Variants in ADAMTS2 observed in about 807,000 individuals in gnomAD.
The protein encoded by ADAMTS2 is ADAM metallopeptidase with thrombospondin type 1 motif 2, also known as A disintegrin and metalloproteinase with thrombospondin motifs 2.
In ADAMTS2, 50 loss-of-function variants were observed where a neutral mutation model predicts 123.0. The observed-to-expected ratio is 0.41, with a 90% CI of 0.32 to 0.51. The LOEUF is 0.51. ADAMTS2 is among the 20% of genes least tolerant of loss of function. The probability of loss-of-function intolerance (pLI) is 0.35; values close to 1 mark genes in which losing one functional copy is unlikely to be tolerated. For synonymous variants in ADAMTS2, 678 were observed against 695.4 expected, an observed-to-expected ratio of 0.98 and a Z score of 0.39; for missense variants, 1,494 against 1,705.2, an observed-to-expected ratio of 0.88 and a Z score of 2.18.
At chr5:179,178,943 G>A (rs1763988668) in intron 5 of ADAMTS2, among the ~76,000 whole-genome samples, 1 of 152,154 alleles carries the variant, frequency 6.6e-6, no homozygotes, top group Non-Finnish European at 1.5e-5. Context: ...GTTCCAAATA[G>A]TCTGTACTGC....
At chr5:179,205,896 T>G (rs930310040) in intron 4 of ADAMTS2, among the ~76,000 whole-genome samples, 12 of 152,000 alleles carry the variant, frequency 7.9e-5, no homozygotes, top group Admixed American at 2.6e-4. Flanking sequence ...CTCAGCCTCC[T>G]GAGTAGCTGG....
intron 2 of ADAMTS2, among the ~76,000 whole-genome samples, chr5:179,299,299 G>A (rs1456906624): frequency 7.6e-6 from 1 of 130,810 alleles, no homozygotes; most frequent in Non-Finnish European, 1.6e-5. Context: ...GGAGGCTGAG[G>A]CGGGCGGATC....
At chr5:179,294,025 G>A (rs1158801799) in intron 2 of ADAMTS2, among the ~76,000 whole-genome samples, 1 of 152,062 alleles carries the variant, frequency 6.6e-6, no homozygotes, top group Non-Finnish European at 1.5e-5. Context: ...GCACTTTTGG[G>A]AGGCCGAGGC....
At chr5:179,339,322 C>T (rs1419361565) in intron 2 of ADAMTS2, among the ~76,000 whole-genome samples, 1 of 152,186 alleles carries the variant, frequency 6.6e-6, no homozygotes. Flanking sequence ...ACGAGTTGGG[C>T]CTGGAGCCGC....
At chr5:179,136,843 G>C (rs1211214310) in intron 12 of ADAMTS2, among the ~76,000 whole-genome samples, 1 of 151,846 alleles carries the variant, frequency 6.6e-6, no homozygotes, top group Non-Finnish European at 1.5e-5. Context: ...GGTGGCGTGC[G>C]CCTGAAGTCC....
chr5:179,193,015 G>T (rs764382841), intron 4 of ADAMTS2, among the ~76,000 whole-genome samples: 5 of 152,156 alleles, frequency 3.3e-5, no homozygotes, highest in Non-Finnish European at 7.4e-5. Context: ...CACCTCTTTT[G>T]CACAAGGGGC....
chr5:179,295,557 A>G (rs1264305649), intron 2 of ADAMTS2, among the ~76,000 whole-genome samples: 1 of 152,102 alleles, frequency 6.6e-6, no homozygotes, highest in Non-Finnish European at 1.5e-5. Context: ...CCTCACTCTC[A>G]TAGTCCAGGT....
At chr5:179,342,036 C>T (rs575720896) in intron 2 of ADAMTS2, among the ~76,000 whole-genome samples, 82 of 152,334 alleles carry the variant, frequency 5.4e-4, no homozygotes, top group African/African-American at 1.7e-3. Context: ...CCAGAGTGTC[C>T]GTCAGCCACC....
chr5:179,273,862 C>T (rs1766616194), intron 2 of ADAMTS2, among the ~76,000 whole-genome samples: 2 of 152,096 alleles, frequency 1.3e-5, no homozygotes, highest in Admixed American at 1.3e-4. Context: ...TATATGCTGG[C>T]ATTCAGGCTC....
chr5:179,292,920 T>C lies in ADAMTS2; in HGVS notation c.535-19856A>G, dbSNP rs956621029. Among the ~76,000 whole-genome samples the C allele has an allele frequency of 3.3e-5, 5 of 152,306 alleles. 1 individual carries two copies. Among genetic ancestry groups the C allele is most frequent in the Admixed American group, 3.3e-4 (5 of 15,308 alleles). ...TGAATTGTCTTCTGCTTAAGTGAGT[T>C]GAGGTCAGTTTTGCCATCCAAAGAG... is the stretch of plus-strand genomic sequence containing the variant. On this transcript the variant is annotated intron_variant, in intron 2 of 21. Transcript: ENST00000251582.
Position 179,170,156 on chromosome 5 carries a change from T to G in ADAMTS2, c.975+10916A>C, listed in dbSNP as rs1047148533. On this transcript the variant is annotated intron_variant, in intron 5 of 21. Coordinates refer to ENST00000251582, the MANE Select transcript of ADAMTS2 (RefSeq NM_014244.5). The surrounding 1 kb of genome is among the most constrained non-coding windows in gnomAD (Gnocchi z 4.3). Reference sequence around the variant, plus strand: ...AGAAAAATGTTGTTTTAGGAAAAACTTGAGATAACTCAGAGGCTTCTCATA... The same window carrying G: ...AGAAAAATGTTGTTTTAGGAAAAACGTGAGATAACTCAGAGGCTTCTCATA... 2.0e-5 allele frequency among the ~76,000 whole-genome samples: 3 copies of G among 152,244 alleles called. No individual in the cohort carries two copies. Among genetic ancestry groups the G allele is most frequent in the African/African-American group, 7.2e-5 (3 of 41,462 alleles).
chr5:179,195,521 G>T (rs1450111803), intron 4 of ADAMTS2, among the ~76,000 whole-genome samples: 1 of 152,232 alleles, frequency 6.6e-6, no homozygotes, highest in African/African-American at 2.4e-5. Context: ...AGCTTCTCAT[G>T]GAAGAGCGAG....
At chr5:179,161,010 C>T (rs1278744025) in intron 5 of ADAMTS2, among the ~76,000 whole-genome samples, 2 of 152,206 alleles carry the variant, frequency 1.3e-5, no homozygotes, top group Non-Finnish European at 2.9e-5. Flanking sequence ...AATCCTCCGC[C>T]AACCCACATT....
intron 2 of ADAMTS2, among the ~76,000 whole-genome samples, chr5:179,319,550 T>C (rs935084078): frequency 6.6e-6 from 1 of 151,988 alleles, no homozygotes; most frequent in African/African-American, 2.4e-5. Flanking sequence ...ATGCACTCAC[T>C]CACACCCTCC....
In ADAMTS2 at chr5:179,158,563, TC is replaced by T. The variant is rs1221417120; in HGVS notation, c.1132+159del. On this transcript the variant is annotated intron_variant, in intron 6 of 21. Coordinates refer to ENST00000251582, the MANE Select transcript of ADAMTS2 (RefSeq NM_014244.5). The surrounding 1 kb of genome is among the most constrained non-coding windows in gnomAD (Gnocchi z 5.0). Reference sequence around the variant, plus strand: ...TCTCTTCTAATGATGTATTTGTCCATCAGTGCACTGCCCCACACCCTCACCC... The same window carrying T: ...TCTCTTCTAATGATGTATTTGTCCATAGTGCACTGCCCCACACCCTCACCC... 6.6e-6 allele frequency among the ~76,000 whole-genome samples: 1 copy of T among 152,188 alleles called. No homozygotes were observed. Among genetic ancestry groups the T allele is most frequent in the African/African-American group, 2.4e-5 (1 of 41,460 alleles).
At chr5:179,266,117 C>T (rs182919954) in intron 3 of ADAMTS2, among the ~76,000 whole-genome samples, 13 of 152,288 alleles carry the variant, frequency 8.5e-5, no homozygotes, top group East Asian at 3.9e-4. Flanking sequence ...GGGCACAAGA[C>T]GCTGGCCAGG....
rs1267720679 is a variant in ADAMTS2 at position 179,189,563 on chromosome 5, T to C, written c.892-8408A>G. On this transcript the variant is annotated intron_variant, in intron 4 of 21. Coordinates refer to ENST00000251582, the MANE Select transcript of ADAMTS2 (RefSeq NM_014244.5). The surrounding 1 kb of genome is among the most constrained non-coding windows in gnomAD (Gnocchi z 4.2). ...TAGTAGAGGCAGGGTTTCACAATGT[T>C]AGCCAGGATGGTCTTGATCTCCTGA... Among the ~76,000 whole-genome samples the C allele has an allele frequency of 4.9e-5, 7 of 141,832 alleles. No homozygotes were observed. Among genetic ancestry groups the C allele is most frequent in the Non-Finnish European group, 7.6e-5 (5 of 66,178 alleles). The allele number at this position is 141,832 out of a possible 152,430, so 93.0% of individuals were successfully genotyped here.
At position 179,307,604 on chromosome 5, in the gene ADAMTS2, C is replaced by T. The variant is rs998382654; in HGVS notation, c.535-34540G>A. The stretch of plus-strand genomic sequence containing the variant: ...CGACTCAGACCTGTCACTGCCTGCC[C>T]AAAGCCCTCCAGCGGCTTCCCACCA... On this transcript the variant is annotated intron_variant, in intron 2 of 21. Coordinates refer to ENST00000251582, the MANE Select transcript of ADAMTS2 (RefSeq NM_014244.5). The surrounding 1 kb of genome is among the most constrained non-coding windows in gnomAD (Gnocchi z 5.6). Among the ~76,000 whole-genome samples the T allele has an allele frequency of 6.6e-6, 1 of 152,162 alleles. No individual in the cohort carries two copies. Among genetic ancestry groups the T allele is most frequent in the Non-Finnish European group, 1.5e-5 (1 of 68,024 alleles).
At chr5:179,287,628 G>A (rs1756058328) in intron 2 of ADAMTS2, among the ~76,000 whole-genome samples, 1 of 152,254 alleles carries the variant, frequency 6.6e-6, no homozygotes, top group Admixed American at 6.5e-5. Context: ...TAGATGTGTG[G>A]CGTGTTTTGA....
Sources: gnomAD v4.1 joint callset for allele counts (sites outside exome capture counted in the v4.1 genomes callset) on GRCh38, gnomAD v4.1.1 for gene constraint, Gnocchi (gnomAD v3.1) non-coding constraint, MANE v1.5 for transcripts, NCBI Gene and HGNC (gene_info 2026-07-23, HGNC 2026-07-21) for gene names.